PIGX: variants seen among roughly 807,000 people sequenced by gnomAD.
PIGX encodes the protein GPI alpha-1,4-mannosyltransferase I, stabilizing subunit.
PIGX carries 24 observed loss-of-function variants against 28.7 expected under a neutral mutation model. That is an observed-to-expected ratio of 0.84 (90% CI 0.60 to 1.17). The LOEUF is 1.17. PIGX is among the 50% of genes most tolerant of loss of function. PIGX has a pLI of 0.00. For synonymous variants in PIGX, 127 were observed against 121.0 expected, an observed-to-expected ratio of 1.05 and a Z score of -0.33; for missense variants, 305 against 317.8, an observed-to-expected ratio of 0.96 and a Z score of 0.31.
intron 2 of PIGX, among the ~76,000 whole-genome samples, chr3:196,719,407 G>A (rs1577671753): frequency 6.6e-6 from 1 of 152,154 alleles, no homozygotes; most frequent in African/African-American, 2.4e-5. Flanking sequence ...GTATATGTGT[G>A]CCATGTTGGT....
chr3:196,727,494 C>T (rs1423921618), intron 3 of PIGX, among the ~76,000 whole-genome samples: 1 of 152,164 alleles, frequency 6.6e-6, no homozygotes, highest in Non-Finnish European at 1.5e-5. Context: ...ACTTGCTTCT[C>T]TGAAGAACAG....
intron 5 of PIGX, among the ~76,000 whole-genome samples, chr3:196,731,710 T>G (rs1712762738): frequency 6.6e-6 from 1 of 152,238 alleles, no homozygotes; most frequent in Non-Finnish European, 1.5e-5. Flanking sequence ...TTTGATTGAT[T>G]ATGTCAATGA....
intron 2 of PIGX, among the ~76,000 whole-genome samples, chr3:196,718,121 A>G (rs1251981429): frequency 2.0e-5 from 3 of 152,054 alleles, no homozygotes; most frequent in Admixed American, 2.0e-4. Flanking sequence ...CCAGCGTGGC[A>G]AACACGGTGA....
At chr3:196,718,576 T>C (rs932473328) in intron 2 of PIGX, among the ~76,000 whole-genome samples, 1 of 152,184 alleles carries the variant, frequency 6.6e-6, no homozygotes, top group African/African-American at 2.4e-5. Flanking sequence ...TACTCCTTGG[T>C]CATGCGATAT....
At chr3:196,728,250 T>C (rs756693201) in intron 4 of PIGX, 114 bp downstream of exon 4, 19 of 709,128 alleles carry the variant, frequency 2.7e-5, no homozygotes, top group Non-Finnish European at 3.7e-5. Context: ...TAGGTGGTAG[T>C]TACAAGGGTA....
At chr3:196,721,982 G>A (rs74625472) in intron 2 of PIGX, among the ~76,000 whole-genome samples, 472 of 152,214 alleles carry the variant, frequency 3.1e-3, no homozygotes, top group African/African-American at 9.6e-3. Context: ...GAATTCCTGA[G>A]CTCAGGCAGT....
At chr3:196,715,261 G>A (rs1580470) in intron 1 of PIGX, among the ~76,000 whole-genome samples, 62,386 of 151,874 alleles carry the variant, frequency 0.41, 13,035 homozygotes, top group East Asian at 0.56. Context: ...ACAAATTCTC[G>A]AAGAGCTGTA....
rs1191147531 is a variant in PIGX at position 196,733,922 on chromosome 3, T to G, written c.*20T>G. ...CTATAAGTTTTATGTAGTTAAATGC[T>G]TCCTAGAAACCTAAATAAGATCTAT... On this transcript the variant is annotated 3_prime_UTR_variant, in exon 6 of 6. Transcript: ENST00000392391. This position sits in a 1 kb window ranked among gnomAD's most constrained non-coding sequence, Gnocchi z 4.3. 1 of 1,458,574 alleles carries G rather than the reference T, an allele frequency of 6.9e-7. No individual in the cohort carries two copies. Among genetic ancestry groups the G allele is most frequent in the African/African-American group, 1.4e-5 (1 of 71,708 alleles). 90.4% of individuals were successfully genotyped at this position (1,458,574 alleles called of 1,614,324 possible).
Position 196,735,201 on chromosome 3 carries a change from A to C in PIGX, c.*1299A>C, listed in dbSNP as rs1712957714. 6.9e-6 allele frequency: 1 copy of C among 144,168 alleles called. No individual in the cohort carries two copies. The highest frequency in any genetic ancestry group is 7.3e-5 in the Admixed American group (1 of 13,786). The allele number at this position is 144,168 out of a possible 1,614,324, so 8.9% of individuals were successfully genotyped here. A position where few individuals can be genotyped will look rare whatever the true frequency, so the allele number is the denominator to read the frequency against. ...TCCCAGCTACTCGGGAGGCTGAGGC[A>C]GGAGAATGGCATGAACCCGGAAGGC... On this transcript the variant is annotated 3_prime_UTR_variant, in exon 6 of 6. Transcript: ENST00000392391.
chr3:196,726,523 A>G, intron 3 of PIGX: 1 of 342,460 alleles, frequency 2.9e-6, no homozygotes, highest in Non-Finnish European at 5.8e-6. Flanking sequence ...CAAAAAACTA[A>G]TGCAAGTTTT....
rs200397179 is a variant in PIGX, at chr3:196,733,179, A to T, written c.634-580A>T. On this transcript the variant is annotated intron_variant, in intron 5 of 5. Transcript: ENST00000392391. The surrounding 1 kb of genome is among the most constrained non-coding windows in gnomAD (Gnocchi z 4.3). ...TTAAAATAATATACTTTATGTAAAAAGCAGAAAAATCAGAACTAATGAGAT... is the reference window on the plus strand; with the variant it reads ...TTAAAATAATATACTTTATGTAAAATGCAGAAAAATCAGAACTAATGAGAT... Among the ~76,000 whole-genome samples, 3 of 152,330 alleles carry T rather than the reference A, an allele frequency of 2.0e-5. No individual in the cohort carries two copies. The East Asian group carries it at 5.8e-4, about 29-fold the overall frequency.
intron 1 of PIGX, 134 bp downstream of exon 1, chr3:196,712,778 T>A (rs996881298): frequency 9.1e-7 from 1 of 1,104,904 alleles, no homozygotes; most frequent in Non-Finnish European, 1.1e-6. Flanking sequence ...GGTCAGACAC[T>A]AGAGCCGTGT....
At chr3:196,717,747 A>T (rs151233906) in intron 2 of PIGX, 1 of 152,198 alleles carries the variant, frequency 6.6e-6, no homozygotes, top group South Asian at 2.1e-4. Flanking sequence ...TAGTACTATT[A>T]TACTTCAAAG....
intron 5 of PIGX, among the ~76,000 whole-genome samples, chr3:196,732,258 T>A (rs1181413573): frequency 1.1e-4 from 4 of 35,590 alleles, no homozygotes; most frequent in South Asian, 1.1e-3. Context: ...ATATATATAT[T>A]TTATTTTATT....
chr3:196,717,924 A>T (rs902989633), intron 2 of PIGX: 1 of 152,244 alleles, frequency 6.6e-6, no homozygotes, highest in Non-Finnish European at 1.5e-5. Flanking sequence ...CTGTTCCTTA[A>T]GAAAACTTGC....
chr3:196,718,012 T>A lies in PIGX; in HGVS notation c.176+1091T>A, dbSNP rs566310374. Reference sequence around the variant, plus strand: ...ATATGTAAATTCTGATTCATTTATTTTTTTTTAATTTTTTTATGCTGGGCA... The same window carrying A: ...ATATGTAAATTCTGATTCATTTATTATTTTTTAATTTTTTTATGCTGGGCA... On this transcript the variant is annotated intron_variant, in intron 2 of 5. Transcript: ENST00000392391. 1.2e-4 allele frequency: 18 copies of A among 152,286 alleles called. No homozygotes were observed. The South Asian group carries it at 3.5e-3, about 30-fold the overall frequency. 9.4% of individuals were successfully genotyped at this position (152,286 alleles called of 1,614,324 possible). A position where few individuals can be genotyped will look rare whatever the true frequency, so the allele number is the denominator to read the frequency against.
In PIGX at chr3:196,734,076, A is replaced by G. The variant is rs1712921985; in HGVS notation, c.*174A>G. The stretch of plus-strand genomic sequence containing the variant: ...AGCTAATTCCAAAATGTAGTGCTCT[A>G]TTGCATGGATCCTTGGTAATCCTCA... On this transcript the variant is annotated 3_prime_UTR_variant, in exon 6 of 6. Coordinates refer to ENST00000392391, the MANE Select transcript of PIGX (RefSeq NM_017861.4). 1 of 541,964 alleles carries G rather than the reference A, an allele frequency of 1.8e-6. No homozygotes were observed. Among genetic ancestry groups the G allele is most frequent in the East Asian group, 2.9e-5 (1 of 34,166 alleles). The allele number at this position is 541,964 out of a possible 1,614,324, so 33.6% of individuals were successfully genotyped here.
chr3:196,713,002 C>A, intron 1 of PIGX: 2 of 991,758 alleles, frequency 2.0e-6, no homozygotes, highest in Non-Finnish European at 2.4e-6. Flanking sequence ...CCCTGTGAGG[C>A]CTGAGAATCC....
At chr3:196,713,706 G>A (rs1344571983) in intron 1 of PIGX, among the ~76,000 whole-genome samples, 3 of 151,756 alleles carry the variant, frequency 2.0e-5, no homozygotes, top group Admixed American at 6.6e-5. Flanking sequence ...GCGTGATGGC[G>A]TGCCCCTGTA....
Sources: allele counts gnomAD v4.1 joint callset (sites outside exome capture counted in the v4.1 genomes callset), GRCh38; gene constraint gnomAD v4.1.1; non-coding constraint Gnocchi (gnomAD v3.1); transcripts MANE v1.5; gene names NCBI Gene and HGNC (gene_info 2026-07-23, HGNC 2026-07-21).